The following CSMD1 variants were observed in gnomAD, a reference collection of about 807,000 sequenced individuals.
CSMD1 encodes the protein CUB and Sushi multiple domains 1, also known as CUB and sushi domain-containing protein 1.
CSMD1 carries 213 observed loss-of-function variants against 417.5 expected under a neutral mutation model. The observed-to-expected ratio is 0.51, with a 90% CI of 0.46 to 0.57. The LOEUF (loss-of-function observed/expected upper bound fraction) is 0.57. Ranked by LOEUF, CSMD1 falls within the 20% of genes least tolerant of loss-of-function variation. The pLI is 0.00. For missense variants in CSMD1, 6,923 were observed against 4,529.7 expected (o/e 1.53, Z -15.17); for synonymous variants, 2,862 against 1,736.8 (o/e 1.65, Z -16.11).
At chr8:3,621,684 C>T (rs1358576687) in intron 7 of CSMD1, among the ~76,000 whole-genome samples, 1 of 152,002 alleles carries the variant, frequency 6.6e-6, no homozygotes, top group Non-Finnish European at 1.5e-5. Flanking sequence ...CCTTCGTCTT[C>T]CATGCTCCAG....
chr8:4,617,344 C>T (rs983007772), intron 2 of CSMD1, among the ~76,000 whole-genome samples: 8 of 152,070 alleles, frequency 5.3e-5, no homozygotes, highest in East Asian at 1.9e-4. Context: ...AATTAGAAAA[C>T]GGAATGTAAA....
chr8:4,821,847 C>T (rs937993879), intron 1 of CSMD1, among the ~76,000 whole-genome samples: 2 of 152,148 alleles, frequency 1.3e-5, no homozygotes, highest in Admixed American at 1.3e-4. Flanking sequence ...AAAAGCTGAG[C>T]CTGTCCCCAC....
chr8:4,563,384 G>C (rs1265482445), intron 2 of CSMD1, among the ~76,000 whole-genome samples: 2 of 152,150 alleles, frequency 1.3e-5, no homozygotes, highest in Non-Finnish European at 2.9e-5. Flanking sequence ...CTGGGTAACA[G>C]AGCGACACTC....
At chr8:4,504,203 T>C (rs1323838573) in intron 2 of CSMD1, among the ~76,000 whole-genome samples, 4 of 152,136 alleles carry the variant, frequency 2.6e-5, no homozygotes, top group Non-Finnish European at 5.9e-5. Flanking sequence ...TCAAGGTCAT[T>C]ATACTGTGTG....
intron 3 of CSMD1, among the ~76,000 whole-genome samples, chr8:4,342,149 T>G (rs988052167): frequency 2.6e-5 from 4 of 151,964 alleles, no homozygotes. Flanking sequence ...AATCTAAGAC[T>G]GTCTACCAAG....
At position 3,846,717 on chromosome 8, in the gene CSMD1, GTGCAACCTTGACTCAC is replaced by G. The variant is rs1803529976; in HGVS notation, c.819-92691_819-92676del. Reference sequence around the variant, plus strand: ...CTGTCGCCCAGGCTGGAGTGCAGTGGTGCAACCTTGACTCACTGCAACCTCGACTCACTGCAACCTC... The same window carrying G: ...CTGTCGCCCAGGCTGGAGTGCAGTGGTGCAACCTCGACTCACTGCAACCTC... On this transcript the variant is annotated intron_variant, in intron 5 of 69. Coordinates refer to ENST00000635120, the MANE Select transcript of CSMD1 (RefSeq NM_033225.6). Among the ~76,000 whole-genome samples, 7 of 152,028 alleles carry G rather than the reference GTGCAACCTTGACTCAC, an allele frequency of 4.6e-5. No individual in the cohort carries two copies. In the South Asian group the frequency reaches 1.5e-3, roughly 32 times the overall value.
chr8:3,497,882 C>T (rs966077255), intron 10 of CSMD1, among the ~76,000 whole-genome samples: 1 of 152,184 alleles, frequency 6.6e-6, no homozygotes, highest in Non-Finnish European at 1.5e-5. Flanking sequence ...TTTGTCTGCT[C>T]TACCAGTGAA....
At chr8:4,415,007 A>G (rs1796851745) in intron 3 of CSMD1, among the ~76,000 whole-genome samples, 1 of 152,232 alleles carries the variant, frequency 6.6e-6, no homozygotes, top group Admixed American at 6.5e-5. Context: ...ATTGTCACAT[A>G]GAAGCATAGG....
At chr8:4,146,315 C>G (rs978710487) in intron 3 of CSMD1, among the ~76,000 whole-genome samples, 6 of 150,882 alleles carry the variant, frequency 4.0e-5, no homozygotes, top group Non-Finnish European at 7.3e-5. Context: ...TGCTTGGTGT[C>G]TGACACATCC....
intron 16 of CSMD1, among the ~76,000 whole-genome samples, chr8:3,397,008 C>T (rs1479743236): frequency 6.6e-6 from 1 of 152,042 alleles, no homozygotes; most frequent in Non-Finnish European, 1.5e-5. Flanking sequence ...CAACAGCTTC[C>T]AAAAACTGCT....
At chr8:4,539,280 T>C (rs1338268623) in intron 2 of CSMD1, among the ~76,000 whole-genome samples, 1 of 152,210 alleles carries the variant, frequency 6.6e-6, no homozygotes, top group African/African-American at 2.4e-5. Context: ...TGGAAGATAG[T>C]ATGCATATGT....
chr8:3,632,126 C>G (rs748325702), intron 7 of CSMD1, among the ~76,000 whole-genome samples: 6 of 152,114 alleles, frequency 3.9e-5, no homozygotes, highest in African/African-American at 7.2e-5. Context: ...CAAACATTTT[C>G]TTTAACATTC....
At chr8:3,450,799 G>C (rs1243535243) in intron 12 of CSMD1, among the ~76,000 whole-genome samples, 1 of 151,942 alleles carries the variant, frequency 6.6e-6, no homozygotes, top group East Asian at 1.9e-4. Flanking sequence ...CTTTATAGCA[G>C]CATGATTTAT....
intron 3 of CSMD1, among the ~76,000 whole-genome samples, chr8:4,063,215 T>A (rs1799072114): frequency 6.6e-6 from 1 of 152,126 alleles, no homozygotes; most frequent in Non-Finnish European, 1.5e-5. Flanking sequence ...TCATGAGACT[T>A]TGTGTGCATA....
Position 4,637,501 on chromosome 8 carries a change from A to C in CSMD1, c.143T>G (p.Phe48Cys). ...GPNGTIESPG[F>C]PHGYPNYANC... Reference sequence around the variant, plus strand: ...GGCATAGTTCGGATACCCGTGAGGAAACCCTGGGCTCTCAATAGTGCCATT... The same window carrying C: ...GGCATAGTTCGGATACCCGTGAGGACACCCTGGGCTCTCAATAGTGCCATT... Residue 48 changes from phenylalanine to cysteine, a missense_variant, in exon 2 of 70, where the codon TTT becomes TGT. By Grantham distance (205) the Phe-to-Cys change is radical. Coordinates refer to ENST00000635120, the MANE Select transcript of CSMD1 (RefSeq NM_033225.6). The C allele has an allele frequency of 6.2e-7, 1 of 1,613,892 alleles. No homozygotes were observed. The highest frequency in any genetic ancestry group is 1.1e-5 in the South Asian group (1 of 91,066).
At chr8:3,544,843 C>T (rs78895751) in intron 10 of CSMD1, among the ~76,000 whole-genome samples, 2,369 of 152,176 alleles carry the variant, frequency 0.016, 57 homozygotes, top group African/African-American at 0.054. Context: ...ACGTGCTAGT[C>T]CAAGATGCCT....
chr8:3,595,662 C>T (rs374715817), intron 8 of CSMD1, among the ~76,000 whole-genome samples: 1 of 152,154 alleles, frequency 6.6e-6, no homozygotes, highest in Non-Finnish European at 1.5e-5. Flanking sequence ...GACTAGCTCT[C>T]AGAAGCACCG....
At chr8:4,268,229 G>C (rs759385233) in intron 3 of CSMD1, among the ~76,000 whole-genome samples, 2 of 152,108 alleles carry the variant, frequency 1.3e-5, no homozygotes, top group Non-Finnish European at 2.9e-5. Flanking sequence ...GAAAATAATT[G>C]TAAGGTGAGC....
intron 11 of CSMD1, among the ~76,000 whole-genome samples, chr8:3,473,108 A>G (rs1297432011): frequency 6.6e-6 from 1 of 152,214 alleles, no homozygotes; most frequent in African/African-American, 2.4e-5. Flanking sequence ...TACACATTGA[A>G]AAGACTTATA....
Sources: allele counts gnomAD v4.1 joint callset (sites outside exome capture counted in the v4.1 genomes callset), GRCh38; gene constraint gnomAD v4.1.1; transcripts MANE v1.5; gene names NCBI Gene and HGNC (gene_info 2026-07-23, HGNC 2026-07-21).